Variants in KIF13A observed in about 807,000 individuals in gnomAD.
KIF13A encodes kinesin family member 13A.
KIF13A carries 79 observed loss-of-function variants against 212.2 expected under a neutral mutation model. The observed-to-expected ratio is 0.37, with a 90% CI of 0.31 to 0.45. The LOEUF (loss-of-function observed/expected upper bound fraction) is 0.45. Ranked by LOEUF, KIF13A falls within the 20% of genes least tolerant of loss-of-function variation. The pLI is 1.00. For missense variants in KIF13A, 1,901 were observed against 2,209.0 expected, an observed-to-expected ratio of 0.86 and a Z score of 2.79; for synonymous variants, 789 against 808.6, an observed-to-expected ratio of 0.98 and a Z score of 0.41.
In KIF13A at chr6:17,772,143, G is replaced by T; in HGVS notation, c.4325-84C>A. 2 of 1,242,730 alleles carry T rather than the reference G, an allele frequency of 1.6e-6. No homozygotes were observed. Among genetic ancestry groups the T allele is most frequent in the South Asian group, 1.3e-5 (1 of 76,382 alleles). The allele number at this position is 1,242,730 out of a possible 1,614,324, so 77.0% of individuals were successfully genotyped here. ...GAACTGAGACAATGACCCAGCCATGGGAATATCTGGGAGAACAATGAAATT... is the reference window on the plus strand; with the variant it reads ...GAACTGAGACAATGACCCAGCCATGTGAATATCTGGGAGAACAATGAAATT... On this transcript the variant is annotated intron_variant, in intron 36 of 38. Transcript: ENST00000259711. This position sits in a 1 kb window ranked among gnomAD's most constrained non-coding sequence, Gnocchi z 4.8.
chr6:17,831,848 TA>T (rs1765484228), intron 12 of KIF13A, among the ~76,000 whole-genome samples: 1 of 151,416 alleles, frequency 6.6e-6, no homozygotes, highest in Admixed American at 6.6e-5. Flanking sequence ...ATTCAAGATA[TA>T]TTTATTAGAG....
rs369988431 is a variant in KIF13A at position 17,852,017 on chromosome 6, C to T, written c.520G>A (p.Glu174Lys). The change falls in exon 7 of 39, where the codon GAA (glutamate) becomes AAA (lysine). Residue 174 changes from glutamate to lysine, a missense_variant. Physicochemically the swap from Glu to Lys is moderately conservative, Grantham distance 56 (BLOSUM62 1). This residue lies in a region of KIF13A where 506 missense variants were observed against 637.4 expected (regional missense o/e 0.79). Transcript: ENST00000259711. ...ACATATGGTCCCAAAACTTTATGTT[C>T]TCGAACTTTAAGAGACTGTCTACTC... ...KGSRQSLKVREHKVLGPYVDG... is the reference protein window; with the variant it reads ...KGSRQSLKVRKHKVLGPYVDG... The T allele has an allele frequency of 5.2e-5, 80 of 1,552,024 alleles. No individual in the cohort carries two copies. The highest frequency in any genetic ancestry group is 6.9e-5 in the Non-Finnish European group (80 of 1,151,254).
At chr6:17,975,627 C>G (rs986144125) in intron 2 of KIF13A, among the ~76,000 whole-genome samples, 2 of 152,186 alleles carry the variant, frequency 1.3e-5, no homozygotes, top group African/African-American at 4.8e-5. Flanking sequence ...ATTCTCTTAT[C>G]TGGCCCCACC....
chr6:17,773,696 T>C lies in KIF13A; in HGVS notation c.4219-113A>G, dbSNP rs911742254. 13 of 520,292 alleles carry C rather than the reference T, an allele frequency of 2.5e-5. No individual in the cohort carries two copies. Among genetic ancestry groups the C allele is most frequent in the Non-Finnish European group, 4.4e-5 (13 of 293,930 alleles). The allele number at this position is 520,292 out of a possible 1,614,324, so 32.2% of individuals were successfully genotyped here. A position where few individuals can be genotyped will look rare whatever the true frequency, so the allele number is the denominator to read the frequency against. On this transcript the variant is annotated intron_variant, in intron 35 of 38. Transcript: ENST00000259711. This position sits in a 1 kb window ranked among gnomAD's most constrained non-coding sequence, Gnocchi z 4.2. The stretch of plus-strand genomic sequence containing the variant: ...TAATGGCAGCATATGCTCTTCTTTA[T>C]TTTTATTATGATTTATTTCAAATAT...
At chr6:17,930,837 A>C (rs1775923566) in intron 2 of KIF13A, among the ~76,000 whole-genome samples, 1 of 152,236 alleles carries the variant, frequency 6.6e-6, no homozygotes, top group Non-Finnish European at 1.5e-5. Context: ...TTTACAGACC[A>C]ATGTTCCCAT....
rs370372120 is a variant in KIF13A, at chr6:17,836,832, G to T, written c.1155+46C>A. 6.4e-6 allele frequency: 10 copies of T among 1,561,718 alleles called. No individual in the cohort carries two copies. In the Admixed American group the frequency reaches 1.5e-4, roughly 24 times the overall value. The stretch of plus-strand genomic sequence containing the variant: ...AGCACACCCTTGCCAGTCAAATCCC[G>T]CAAGCCAGGGAACTTTACCAGCAGG... On this transcript the variant is annotated intron_variant, in intron 11 of 38. Transcript: ENST00000259711.
chr6:17,808,812 C>G lies in KIF13A; in HGVS notation c.2119G>C (p.Val707Leu). 6.2e-7 allele frequency: 1 copy of G among 1,613,942 alleles called. No individual in the cohort carries two copies. The highest frequency in any genetic ancestry group is 8.5e-7 in the Non-Finnish European group (1 of 1,179,880). The change falls in exon 18 of 39, where the codon GTG (valine) becomes CTG (leucine). Residue 707 changes from valine to leucine, a missense_variant. Transcript: ENST00000259711. The stretch of plus-strand genomic sequence containing the variant: ...TTTGCAGCAGGGATCTGAAGAGTCA[C>G]TTGGTAATCGGTGAGTTTGCTCATT... Reference protein sequence around the residue: ...EEMSKLTDYQVTLQIPAANLS... With the variant: ...EEMSKLTDYQLTLQIPAANLS...
intron 17 of KIF13A, among the ~76,000 whole-genome samples, chr6:17,815,375 T>C (rs1048388931): frequency 4.6e-5 from 7 of 152,084 alleles, no homozygotes; most frequent in African/African-American, 1.7e-4. Context: ...AGCAGAGTCT[T>C]CTCTAACTCC....
At position 17,987,492 on chromosome 6, in the gene KIF13A, G is replaced by A; in HGVS notation, c.-29C>T. The A allele has an allele frequency of 8.1e-7, 1 of 1,240,328 alleles. No homozygotes were observed. Among genetic ancestry groups the A allele is most frequent in the Non-Finnish European group, 1.0e-6 (1 of 957,748 alleles). The allele number at this position is 1,240,328 out of a possible 1,614,324, so 76.8% of individuals were successfully genotyped here. A position where few individuals can be genotyped will look rare whatever the true frequency, so the allele number is the denominator to read the frequency against. On this transcript the variant is annotated 5_prime_UTR_variant, in exon 1 of 39. Transcript: ENST00000259711. The surrounding 1 kb of genome is among the most constrained non-coding windows in gnomAD (Gnocchi z 7.7). Reference sequence around the variant, plus strand: ...GGCTGCGCTCGCCCGGCCGCTCGCCGCGCCCGCTCGGCCTTAGGCGGCCCC... The same window carrying A: ...GGCTGCGCTCGCCCGGCCGCTCGCCACGCCCGCTCGGCCTTAGGCGGCCCC...
chr6:17,857,010 G>T (rs1188339172), intron 4 of KIF13A, among the ~76,000 whole-genome samples: 1 of 152,084 alleles, frequency 6.6e-6, no homozygotes, highest in Non-Finnish European at 1.5e-5. Context: ...TAATCCTAGA[G>T]CCTAGTACAA....
intron 16 of KIF13A, among the ~76,000 whole-genome samples, chr6:17,823,361 T>C (rs1377050618): frequency 6.6e-6 from 1 of 151,500 alleles, no homozygotes; most frequent in Non-Finnish European, 1.5e-5. Flanking sequence ...TACATTACAC[T>C]TGTTTTTCAC....
In KIF13A at chr6:17,838,617, C is replaced by T. The variant is rs547938308; in HGVS notation, c.831-1034G>A. Among the ~76,000 whole-genome samples the T allele has an allele frequency of 6.6e-6, 1 of 152,118 alleles. No homozygotes were observed. Among genetic ancestry groups the T allele is most frequent in the African/African-American group, 2.4e-5 (1 of 41,496 alleles). ...AGAGTGGCATAAATATGTACATCAT[C>T]TTAAGTGAAACAAGTCAAAAAAATT... is the stretch of plus-strand genomic sequence containing the variant. On this transcript the variant is annotated intron_variant, in intron 9 of 38. Coordinates refer to ENST00000259711, the MANE Select transcript of KIF13A (RefSeq NM_022113.6). The surrounding 1 kb of genome is among the most constrained non-coding windows in gnomAD (Gnocchi z 4.2).
rs1178490915 is a variant in KIF13A, at chr6:17,919,544, TGTGA to T, written c.147-21368_147-21365del. Among the ~76,000 whole-genome samples, 1 of 152,220 alleles carries T rather than the reference TGTGA, an allele frequency of 6.6e-6. No homozygotes were observed. The highest frequency in any genetic ancestry group is 2.4e-5 in the African/African-American group (1 of 41,444). ...TCCTATATATCCAGAGTAAGAAAGC[TGTGA>T]GTATCAAAAATAGATGTTCTACAGC... On this transcript the variant is annotated intron_variant, in intron 2 of 38. Transcript: ENST00000259711. The surrounding 1 kb of genome is among the most constrained non-coding windows in gnomAD (Gnocchi z 4.1).
At chr6:17,882,092 C>A in intron 3 of KIF13A, 1 of 456,734 alleles carries the variant, frequency 2.2e-6, no homozygotes, top group Non-Finnish European at 4.4e-6. Flanking sequence ...TTTTTCTGAT[C>A]CATAAAAACG....
chr6:17,907,914 G>C (rs1466230007), intron 2 of KIF13A, among the ~76,000 whole-genome samples: 1 of 152,170 alleles, frequency 6.6e-6, no homozygotes, highest in African/African-American at 2.4e-5. Context: ...GGCCAGATCT[G>C]TTTTAGGAGG....
intron 4 of KIF13A, among the ~76,000 whole-genome samples, chr6:17,859,617 A>T (rs1768507816): frequency 1.5e-5 from 2 of 132,118 alleles, no homozygotes; most frequent in African/African-American, 5.7e-5. Context: ...CTGGCAATGT[A>T]TTTTATATAT....
chr6:17,849,505 G>C lies in KIF13A; in HGVS notation c.718-16C>G. The C allele has an allele frequency of 6.3e-7, 1 of 1,580,814 alleles. No individual in the cohort carries two copies. The highest frequency in any genetic ancestry group is 1.1e-5 in the South Asian group (1 of 89,244). On this transcript the variant is annotated splice_polypyrimidine_tract_variant and intron_variant, in intron 8 of 38. Transcript: ENST00000259711. This position sits in a 1 kb window ranked among gnomAD's most constrained non-coding sequence, Gnocchi z 5.7. ...CCCCGGAATTCTAGTTATAGGAAAC[G>C]AGAGAGAGAAGAAAAACTTATCAAT... is the stretch of plus-strand genomic sequence containing the variant.
intron 30 of KIF13A, 100 bp downstream of exon 30, chr6:17,781,077 G>T (rs1760528828): frequency 6.7e-7 from 1 of 1,487,054 alleles, no homozygotes; most frequent in South Asian, 1.2e-5. Flanking sequence ...AAAGTCCCCG[G>T]TCTTTTTCCC....
rs1761902469 is a variant in KIF13A, at chr6:17,794,927, G to A, written c.2943-223C>T. The A allele has an allele frequency of 2.0e-6, 1 of 491,008 alleles. No homozygotes were observed. Among genetic ancestry groups the A allele is most frequent in the Non-Finnish European group, 3.5e-6 (1 of 281,956 alleles). The allele number at this position is 491,008 out of a possible 1,614,324, so 30.4% of individuals were successfully genotyped here. ...GAAATGTCCACATCTTGAGTATAGA[G>A]CTCGATGAGTTTTGAGAAATGCACA... On this transcript the variant is annotated intron_variant, in intron 23 of 38. Transcript: ENST00000259711. This position sits in a 1 kb window ranked among gnomAD's most constrained non-coding sequence, Gnocchi z 4.1.
Sources: allele counts gnomAD v4.1 joint callset (sites outside exome capture counted in the v4.1 genomes callset), GRCh38; gene constraint gnomAD v4.1.1; regional missense constraint gnomAD v4.1.1; non-coding constraint Gnocchi (gnomAD v3.1); transcripts MANE v1.5; gene names NCBI Gene and HGNC (gene_info 2026-07-23, HGNC 2026-07-21).